The following CPNE1 variants were observed in gnomAD, a reference collection of about 807,000 sequenced individuals.
CPNE1 encodes the protein copine-1.
CPNE1 carries 58 observed loss-of-function variants against 63.2 expected under a neutral mutation model. The observed-to-expected ratio is 0.92, with a 90% confidence interval of 0.74 to 1.14. The LOEUF is 1.14. Among genes scored for constraint, CPNE1 ranks in the 50% most tolerant of loss-of-function variants. The pLI, the probability that CPNE1 is intolerant of heterozygous loss-of-function variation, is 0.00. For missense variants in CPNE1, 672 were observed against 661.7 expected (o/e 1.02, Z -0.17); for synonymous variants, 237 against 249.0 (o/e 0.95, Z 0.45).
intron 1 of CPNE1, chr20:35,652,820 G>T: frequency 6.3e-7 from 1 of 1,595,888 alleles, no homozygotes; most frequent in Non-Finnish European, 8.5e-7. Flanking sequence ...ATTGGGCCAG[G>T]GCCGGGGCCG....
At chr20:35,627,227 C>T in intron 14 of CPNE1, 53 bp downstream of exon 14, 1 of 1,353,538 alleles carries the variant, frequency 7.4e-7, no homozygotes, top group Non-Finnish European at 1.0e-6. Flanking sequence ...GTTCCATAAC[C>T]CTCAAGGAAG....
intron 1 of CPNE1, chr20:35,654,420 A>G (rs766444863): frequency 6.2e-7 from 1 of 1,614,198 alleles, no homozygotes; most frequent in Admixed American, 1.7e-5. Context: ...ACAGATCATC[A>G]GGGTTGATGG....
chr20:35,646,754 T>TA (rs1226908291), intron 1 of CPNE1, among the ~76,000 whole-genome samples: 1 of 152,188 alleles, frequency 6.6e-6, no homozygotes, highest in Non-Finnish European at 1.5e-5. Flanking sequence ...TAAAATGAGT[T>TA]AAATACACTC....
chr20:35,640,503 G>A (rs1443329542), intron 1 of CPNE1, among the ~76,000 whole-genome samples: 4 of 151,780 alleles, frequency 2.6e-5, no homozygotes, highest in Non-Finnish European at 4.4e-5. Flanking sequence ...TTTCATCACC[G>A]AGCACATCTT....
intron 1 of CPNE1, among the ~76,000 whole-genome samples, chr20:35,633,674 C>T (rs886302540): frequency 5.9e-5 from 9 of 152,228 alleles, no homozygotes; most frequent in Middle Eastern, 3.4e-3. Flanking sequence ...TAAGTGAGGC[C>T]GGACACAGTG....
intron 1 of CPNE1, among the ~76,000 whole-genome samples, chr20:35,644,709 T>C (rs1040989091): frequency 7.0e-4 from 107 of 152,342 alleles, no homozygotes; most frequent in African/African-American, 2.4e-3. Flanking sequence ...ATCTGAAATC[T>C]ACCCTGCCAC....
Position 35,630,808 on chromosome 20 carries a change from A to G in CPNE1, c.996-13T>C. 2.5e-6 allele frequency: 4 copies of G among 1,612,644 alleles called. No homozygotes were observed. Among genetic ancestry groups the G allele is most frequent in the Non-Finnish European group, 3.4e-6 (4 of 1,179,348 alleles). On this transcript the variant is annotated splice_polypyrimidine_tract_variant and intron_variant, in intron 11 of 15. Coordinates refer to ENST00000397443, the MANE Select transcript of CPNE1 (RefSeq NM_152925.3). ...GAACAGCTTGTCTCTGTGGGAGGAC[A>G]GTGTATTGGGCAAAAGGCAGTGAGG...
intron 1 of CPNE1, among the ~76,000 whole-genome samples, chr20:35,641,879 C>T (rs2032830919): frequency 6.6e-6 from 1 of 152,226 alleles, no homozygotes; most frequent in Non-Finnish European, 1.5e-5. Context: ...ATACTTGAGG[C>T]AAGTCTGCAG....
At chr20:35,641,255 A>G (rs1444573957) in intron 1 of CPNE1, among the ~76,000 whole-genome samples, 1 of 152,272 alleles carries the variant, frequency 6.6e-6, no homozygotes, top group Non-Finnish European at 1.5e-5. Flanking sequence ...ATATATGGTT[A>G]AGTGAAATGA....
At chr20:35,652,358 G>T in intron 1 of CPNE1, 1 of 724,350 alleles carries the variant, frequency 1.4e-6, no homozygotes. Flanking sequence ...TTATCCTGGT[G>T]AGTGAGTCTT....
intron 1 of CPNE1, among the ~76,000 whole-genome samples, chr20:35,641,392 T>C (rs1397342784): frequency 6.6e-6 from 1 of 152,184 alleles, no homozygotes. Context: ...GGCAAGAGTG[T>C]GGGTTCTGCA....
chr20:35,631,492 C>G lies in CPNE1; in HGVS notation c.714G>C (p.Pro238=). 2.5e-6 allele frequency: 4 copies of G among 1,613,662 alleles called. No individual in the cohort carries two copies. Among genetic ancestry groups the G allele is most frequent in the Non-Finnish European group, 3.4e-6 (4 of 1,179,734 alleles). The part of the protein sequence containing the change: ...HTSLAQLQAV[P]AEFECIHPEK... Reference sequence around the variant, plus strand: ...CACCCCTGGCAAGACCAGCACTCACCGGGACTGCCTGCAGCTGGGCCAAGC... The same window carrying G: ...CACCCCTGGCAAGACCAGCACTCACGGGGACTGCCTGCAGCTGGGCCAAGC... Residue 238 remains proline, a splice_region_variant and synonymous_variant, in exon 8 of 16, where the codon CCG becomes CCC. Coordinates refer to ENST00000397443, the MANE Select transcript of CPNE1 (RefSeq NM_152925.3).
At chr20:35,630,656 CCAAGTAG>C in intron 12 of CPNE1, 78 bp downstream of exon 12, 1 of 1,538,284 alleles carries the variant, frequency 6.5e-7, no homozygotes, top group Middle Eastern at 1.7e-4. Flanking sequence ...AAGCTGAGTG[CCAAGTAG>C]CAAGTAAATT....
chr20:35,634,094 T>A (rs1432996812), intron 1 of CPNE1, among the ~76,000 whole-genome samples: 2 of 150,096 alleles, frequency 1.3e-5, no homozygotes, highest in Admixed American at 1.3e-4. Context: ...ACCCTGTCTC[T>A]ACTAAAAATA....
intron 11 of CPNE1, 50 bp downstream of exon 11, chr20:35,630,851 G>C: frequency 6.2e-7 from 1 of 1,604,796 alleles, no homozygotes; most frequent in Non-Finnish European, 8.5e-7. Flanking sequence ...AAGCTCAGAG[G>C]CTGAAGCATC....
chr20:35,643,800 A>G (rs1174761903), intron 1 of CPNE1, among the ~76,000 whole-genome samples: 2 of 152,180 alleles, frequency 1.3e-5, no homozygotes, highest in Non-Finnish European at 2.9e-5. Flanking sequence ...GTGGAGGCCA[A>G]GAAGCCCTAC....
intron 1 of CPNE1, among the ~76,000 whole-genome samples, chr20:35,642,120 C>G (rs75608712): frequency 0.037 from 5,704 of 152,254 alleles, 370 homozygotes; most frequent in African/African-American, 0.13. Flanking sequence ...GGCCACCCTT[C>G]CCTTGCCTTG....
rs2032768334 is a variant in CPNE1, at chr20:35,640,951, G to A, written c.1-8028C>T. The stretch of plus-strand genomic sequence containing the variant: ...CTGACCCTTCCATTTGGGACTAGTC[G>A]GGTGTTGCGAATGGAACAGCTGAGT... On this transcript the variant is annotated intron_variant, in intron 1 of 15. Transcript: ENST00000397443. Among the ~76,000 whole-genome samples the A allele has an allele frequency of 2.6e-5, 4 of 152,086 alleles. No homozygotes were observed. In the South Asian group the frequency reaches 6.2e-4, roughly 24 times the overall value.
intron 1 of CPNE1, among the ~76,000 whole-genome samples, chr20:35,658,558 A>C (rs1006158085): frequency 3.9e-5 from 6 of 152,144 alleles, no homozygotes; most frequent in Non-Finnish European, 7.3e-5. Context: ...CAGGAGTTCA[A>C]GACCAGCCTG....
Sources: allele counts gnomAD v4.1 joint callset (sites outside exome capture counted in the v4.1 genomes callset), GRCh38; gene constraint gnomAD v4.1.1; transcripts MANE v1.5; gene names NCBI Gene and HGNC (gene_info 2026-07-23, HGNC 2026-07-21).